AIM2: variants seen among roughly 807,000 people sequenced by gnomAD.
AIM2 encodes interferon-inducible protein AIM2.
In AIM2, 30 loss-of-function variants were observed where a neutral mutation model predicts 27.7. The observed-to-expected ratio is 1.08, with a 90% confidence interval of 0.81 to 1.47. The LOEUF (loss-of-function observed/expected upper bound fraction) is 1.47. AIM2 is among the 40% of genes most tolerant of loss of function. AIM2 has a pLI of 0.00. For missense variants in AIM2, 358 were observed against 411.3 expected (o/e 0.87, Z 1.12); for synonymous variants, 141 against 145.3 (o/e 0.97, Z 0.21).
intron 2 of AIM2, 134 bp downstream of exon 2, chr1:159,073,104 A>C: frequency 1.3e-5 from 14 of 1,091,264 alleles, no homozygotes; most frequent in Non-Finnish European, 1.7e-5. Flanking sequence ...AAGGGGGCAA[A>C]GAGACAGGTG....
intron 1 of AIM2, among the ~76,000 whole-genome samples, chr1:159,138,617 G>A (rs1737978): frequency 0.67 from 101,716 of 151,976 alleles, 35,728 homozygotes; most frequent in Admixed American, 0.78. Flanking sequence ...GAAGTGGCAT[G>A]AAGTGGGTGC....
intron 1 of AIM2, among the ~76,000 whole-genome samples, chr1:159,118,585 T>C (rs1254160479): frequency 6.6e-6 from 1 of 152,106 alleles, no homozygotes; most frequent in Non-Finnish European, 1.5e-5. Context: ...AAAGAGCAAA[T>C]ATCTGTAGGG....
intron 3 of AIM2, among the ~76,000 whole-genome samples, chr1:159,067,120 T>C (rs991914176): frequency 7.2e-5 from 11 of 152,226 alleles, no homozygotes; most frequent in Non-Finnish European, 1.2e-4. Flanking sequence ...TAAACTGTTA[T>C]AACTGATTCA....
At chr1:159,107,100 TG>T (rs2102024339) in intron 1 of AIM2, among the ~76,000 whole-genome samples, 1 of 152,322 alleles carries the variant, frequency 6.6e-6, no homozygotes, top group Non-Finnish European at 1.5e-5. Context: ...AATCCTATGC[TG>T]TAGAAAGTTC....
intron 1 of AIM2, among the ~76,000 whole-genome samples, chr1:159,126,783 G>C (rs917825512): frequency 2.0e-5 from 3 of 152,096 alleles, no homozygotes; most frequent in African/African-American, 7.2e-5. Flanking sequence ...GCTTGCTCTA[G>C]GAGATATAAG....
intron 1 of AIM2, among the ~76,000 whole-genome samples, chr1:159,084,759 A>C (rs1019600751): frequency 1.4e-5 from 2 of 143,512 alleles, no homozygotes; most frequent in African/African-American, 5.0e-5. Flanking sequence ...TGAGTGACAG[A>C]GCAAAACCCT....
At chr1:159,126,586 T>C (rs1184347902) in intron 1 of AIM2, among the ~76,000 whole-genome samples, 1 of 149,654 alleles carries the variant, frequency 6.7e-6, no homozygotes, top group East Asian at 2.0e-4. Context: ...GAGGCGAAGC[T>C]TGCAGTGAGC....
Position 159,067,515 on chromosome 1 carries a change from A to G in AIM2, c.396+1053T>C, listed in dbSNP as rs80051011. On this transcript the variant is annotated intron_variant, in intron 3 of 5. Coordinates refer to ENST00000368130, the MANE Select transcript of AIM2 (RefSeq NM_004833.3). ...GGGCCAGTAAGGGGCCCTGATGGGC[A>G]GCATAACTGACTGCATTTGGATCAA... Among the ~76,000 whole-genome samples the G allele has an allele frequency of 6.6e-3, 1,012 of 152,320 alleles. 12 individuals carry two copies. The highest frequency in any genetic ancestry group is 0.023 in the African/African-American group (960 of 41,566).
At chr1:159,060,014 C>T (rs1289546699), downstream of AIM2, among the ~76,000 whole-genome samples, 4 of 152,110 alleles carry the variant, frequency 2.6e-5, no homozygotes, top group African/African-American at 9.7e-5. Flanking sequence ...CTAATCTGTC[C>T]TCATAAACAT....
chr1:159,077,905 G>A (rs746372427), upstream of AIM2, among the ~76,000 whole-genome samples: 3 of 152,238 alleles, frequency 2.0e-5, no homozygotes, highest in South Asian at 2.1e-4. Context: ...GATGTTGAGC[G>A]GCTCTGCCAA....
upstream of AIM2, among the ~76,000 whole-genome samples, chr1:159,142,176 G>T (rs560793490): frequency 3.9e-5 from 6 of 152,142 alleles, no homozygotes; most frequent in Admixed American, 6.6e-5. Context: ...AGCTGCTTCC[G>T]TAAAGGAACA....
chr1:159,138,467 T>C (rs1648052372), intron 1 of AIM2, among the ~76,000 whole-genome samples: 1 of 152,214 alleles, frequency 6.6e-6, no homozygotes. Context: ...TCCTTTAAAT[T>C]CCTCCATAGT....
chr1:159,089,834 C>T (rs751929335), intron 1 of AIM2, among the ~76,000 whole-genome samples: 4 of 152,186 alleles, frequency 2.6e-5, no homozygotes, highest in African/African-American at 7.2e-5. Context: ...CCTATTCTAT[C>T]GGTTTTTAGT....
At chr1:159,082,897 C>T (rs747003843) in intron 1 of AIM2, among the ~76,000 whole-genome samples, 10 of 152,002 alleles carry the variant, frequency 6.6e-5, no homozygotes, top group Non-Finnish European at 1.2e-4. Context: ...AACAGGGGGA[C>T]GGAAAGCTCA....
intron 1 of AIM2, among the ~76,000 whole-genome samples, chr1:159,108,017 C>G (rs1657489554): frequency 6.6e-6 from 1 of 152,114 alleles, no homozygotes. Flanking sequence ...TATTCCACAT[C>G]ATAGAGAAAG....
At chr1:159,126,148 C>T (rs1647678057) in intron 1 of AIM2, among the ~76,000 whole-genome samples, 1 of 152,152 alleles carries the variant, frequency 6.6e-6, no homozygotes. Flanking sequence ...GCCTTCTGAA[C>T]ACATTCATGT....
chr1:159,144,909 G>A (rs1050088393), upstream of AIM2, among the ~76,000 whole-genome samples: 2 of 152,120 alleles, frequency 1.3e-5, no homozygotes, highest in African/African-American at 4.8e-5. Context: ...CTATCGCATG[G>A]AGTAAGACAG....
downstream of AIM2, among the ~76,000 whole-genome samples, chr1:159,057,778 A>C (rs927898956): frequency 6.6e-6 from 1 of 152,100 alleles, no homozygotes. Context: ...TTTTGGAAAA[A>C]ACAAACAAAA....
intron 1 of AIM2, among the ~76,000 whole-genome samples, chr1:159,086,087 A>T (rs1656906865): frequency 6.6e-6 from 1 of 152,222 alleles, no homozygotes; most frequent in Admixed American, 6.5e-5. Context: ...TAGGGCTCAG[A>T]TCTAGCAAAT....
Sources: allele counts gnomAD v4.1 joint callset (sites outside exome capture counted in the v4.1 genomes callset), GRCh38; gene constraint gnomAD v4.1.1; transcripts MANE v1.5; gene names NCBI Gene and HGNC (gene_info 2026-07-23, HGNC 2026-07-21).